The following RHOBTB3 variants were observed in gnomAD, a reference collection of about 807,000 sequenced individuals.
RHOBTB3 encodes the protein rho-related BTB domain-containing protein 3.
A neutral mutation model predicts 67.2 loss-of-function variants in RHOBTB3; 47 were observed. The observed-to-expected ratio is 0.70, with a 90% confidence interval of 0.55 to 0.89. RHOBTB3 has a LOEUF of 0.89. Ranked by LOEUF, RHOBTB3 falls within the 40% of genes least tolerant of loss-of-function variation. The pLI, the probability that RHOBTB3 is intolerant of heterozygous loss-of-function variation, is 0.00. For missense variants in RHOBTB3, 631 were observed against 750.0 expected (o/e 0.84, Z 1.85); for synonymous variants, 273 against 274.2 (o/e 1.00, Z 0.04).
At chr5:95,718,426 C>T (rs1029436426) in intron 1 of RHOBTB3, among the ~76,000 whole-genome samples, 3 of 152,184 alleles carry the variant, frequency 2.0e-5, no homozygotes, top group African/African-American at 4.8e-5. Context: ...ACGGATGTGG[C>T]TACATGCAAA....
At chr5:95,718,411 A>T (rs1169529452) in intron 1 of RHOBTB3, among the ~76,000 whole-genome samples, 1 of 152,238 alleles carries the variant, frequency 6.6e-6, no homozygotes, top group Non-Finnish European at 1.5e-5. Context: ...AGGAAAAAGT[A>T]AAGAACGGAT....
chr5:95,752,495 G>GA, intron 5 of RHOBTB3, 145 bp downstream of exon 5: 1 of 656,354 alleles, frequency 1.5e-6, no homozygotes, highest in Non-Finnish European at 2.7e-6. Context: ...ATAAGGCCTA[G>GA]AATCTGTGTT....
chr5:95,718,805 A>G (rs984238398), intron 1 of RHOBTB3, among the ~76,000 whole-genome samples: 3 of 152,188 alleles, frequency 2.0e-5, no homozygotes, highest in Admixed American at 2.0e-4. Context: ...TGGATAGGGA[A>G]GAAAACGAAG....
chr5:95,733,740 A>G (rs557691068), intron 2 of RHOBTB3, among the ~76,000 whole-genome samples: 27 of 152,324 alleles, frequency 1.8e-4, no homozygotes, highest in African/African-American at 5.1e-4. Flanking sequence ...TTCCATTTCT[A>G]GAGTTGCTCT....
upstream of RHOBTB3, chr5:95,731,176 C>A (rs552656804): frequency 9.9e-7 from 1 of 1,006,668 alleles, no homozygotes; most frequent in East Asian, 1.1e-4. Flanking sequence ...GTCCAGCCGC[C>A]GCCACCGGAG....
At chr5:95,751,312 G>A (rs980378751) in intron 4 of RHOBTB3, 1 of 152,064 alleles carries the variant, frequency 6.6e-6, no homozygotes, top group Non-Finnish European at 1.5e-5. Context: ...CCACACAATT[G>A]TAGTGCTTGG....
chr5:95,751,119 G>A (rs1481964623), intron 4 of RHOBTB3, among the ~76,000 whole-genome samples: 4 of 152,186 alleles, frequency 2.6e-5, no homozygotes, highest in South Asian at 2.1e-4. Context: ...CTGAAGCTAC[G>A]TAAATGCACC....
intron 9 of RHOBTB3, 43 bp downstream of exon 9, chr5:95,780,468 TC>T: frequency 6.4e-7 from 1 of 1,552,368 alleles, no homozygotes; most frequent in Non-Finnish European, 8.9e-7. Flanking sequence ...ATTCTTTCTT[TC>T]CTTGCCACCC....
chr5:95,739,744 C>T (rs112389722), intron 3 of RHOBTB3, among the ~76,000 whole-genome samples: 16 of 152,062 alleles, frequency 1.1e-4, no homozygotes, highest in African/African-American at 3.4e-4. Flanking sequence ...GAAATTCTGC[C>T]GTGTTGCTCA....
At chr5:95,745,220 C>A (rs1313520408) in intron 3 of RHOBTB3, among the ~76,000 whole-genome samples, 1 of 152,024 alleles carries the variant, frequency 6.6e-6, no homozygotes, top group African/African-American at 2.4e-5. Context: ...AAGCACACGC[C>A]ATCATGCTCA....
chr5:95,767,653 A>T (rs1345043779), intron 7 of RHOBTB3: 24 of 553,564 alleles, frequency 4.3e-5, no homozygotes, highest in Non-Finnish European at 3.6e-5. Context: ...TTTCTTAATT[A>T]CAAATCAAGG....
intron 10 of RHOBTB3, 129 bp downstream of exon 10, chr5:95,784,092 C>A: frequency 1.5e-6 from 1 of 684,096 alleles, no homozygotes; most frequent in Non-Finnish European, 2.2e-6. Flanking sequence ...GCTAATGAGG[C>A]TAAAGTGCCT....
At chr5:95,768,248 T>C in intron 8 of RHOBTB3, 82 bp downstream of exon 8, 5 of 1,386,570 alleles carry the variant, frequency 3.6e-6, no homozygotes, top group Non-Finnish European at 5.0e-6. Flanking sequence ...GGTTTGAATG[T>C]TTGGTGTGAA....
Position 95,718,260 on chromosome 5 carries a change from G to A in RHOBTB3, n.133+495G>A, listed in dbSNP as rs533514157. Among the ~76,000 whole-genome samples, 10 of 152,296 alleles carry A rather than the reference G, an allele frequency of 6.6e-5. No homozygotes were observed. In the East Asian group the frequency reaches 1.9e-3, roughly 29 times the overall value. On this transcript the variant is annotated intron_variant and non_coding_transcript_variant, in intron 1 of 5. Transcript: ENST00000504949. ...TTAAATGCTAACAGCAAGAGCAGTA[G>A]AGAGATAAGAGTTGAAGACAGGGGA... is the stretch of plus-strand genomic sequence containing the variant.
intron 1 of RHOBTB3, among the ~76,000 whole-genome samples, chr5:95,723,566 A>T (rs968527989): frequency 1.3e-5 from 2 of 152,214 alleles, no homozygotes; most frequent in Admixed American, 1.3e-4. Flanking sequence ...TTGTTTTTTT[A>T]AAAAGCTAAT....
intron 4 of RHOBTB3, among the ~76,000 whole-genome samples, chr5:95,750,124 G>A (rs867514008): frequency 7.2e-5 from 11 of 152,218 alleles, no homozygotes; most frequent in South Asian, 4.1e-4. Flanking sequence ...GTGTAAAATA[G>A]AATGGCATTG....
intron 4 of RHOBTB3, among the ~76,000 whole-genome samples, chr5:95,749,510 A>G (rs908251852): frequency 2.6e-5 from 4 of 152,242 alleles, no homozygotes; most frequent in Admixed American, 2.0e-4. Flanking sequence ...ATATACTCAC[A>G]ATATTGATAT....
chr5:95,740,509 A>G lies in RHOBTB3; in HGVS notation c.415+3434A>G, dbSNP rs532233617. ...AAGTGATTTGGAGTGGAAAGAGACA[A>G]TAGTCTTGACTAAATATCTTAGTTT... On this transcript the variant is annotated intron_variant, in intron 3 of 11. Coordinates refer to ENST00000379982, the MANE Select transcript of RHOBTB3 (RefSeq NM_014899.4). Among the ~76,000 whole-genome samples the G allele has an allele frequency of 8.5e-5, 13 of 152,366 alleles. No individual in the cohort carries two copies. The South Asian group carries it at 2.5e-3, about 29-fold the overall frequency.
intron 8 of RHOBTB3, among the ~76,000 whole-genome samples, chr5:95,776,612 A>G (rs962771673): frequency 4.6e-5 from 7 of 152,162 alleles, no homozygotes; most frequent in Non-Finnish European, 7.4e-5. Context: ...TCTATGGAAC[A>G]ATTTAGACCA....
Sources: allele counts gnomAD v4.1 joint callset (sites outside exome capture counted in the v4.1 genomes callset), GRCh38; gene constraint gnomAD v4.1.1; transcripts MANE v1.5; gene names NCBI Gene and HGNC (gene_info 2026-07-23, HGNC 2026-07-21).